GNG12: variants seen among roughly 807,000 people sequenced by gnomAD.
GNG12 encodes guanine nucleotide-binding protein G(I)/G(S)/G(O) subunit gamma-12.
For synonymous variants in GNG12, 28 were observed against 29.7 expected, an observed-to-expected ratio of 0.94 and a Z score of 0.19; for missense variants, 69 against 83.8, an observed-to-expected ratio of 0.82 and a Z score of 0.69.
chr1:67,759,645 T>C (rs149325808), intron 2 of GNG12, among the ~76,000 whole-genome samples: 93 of 152,324 alleles, frequency 6.1e-4, no homozygotes, highest in African/African-American at 2.2e-3. Context: ...ACCTTATACA[T>C]AGTAAGTGTG....
chr1:67,765,890 A>G (rs542342698), intron 2 of GNG12, among the ~76,000 whole-genome samples: 1 of 152,194 alleles, frequency 6.6e-6, no homozygotes, highest in Non-Finnish European at 1.5e-5. Context: ...CACAACCCCA[A>G]GGAGTGAAAG....
At position 67,769,003 on chromosome 1, in the gene GNG12, C is replaced by G. The variant is rs193036885; in HGVS notation, c.-27+8455G>C. Among the ~76,000 whole-genome samples, 3 of 152,252 alleles carry G rather than the reference C, an allele frequency of 2.0e-5. No homozygotes were observed. In the East Asian group the frequency reaches 5.8e-4, roughly 29 times the overall value. On this transcript the variant is annotated intron_variant, in intron 2 of 3. Transcript: ENST00000370982. Reference sequence around the variant, plus strand: ...GGGTCTGGGGGAGGAAAGGAGGGAGCTGTATCTTGCCATCTTTGTAAGCAG... The same window carrying G: ...GGGTCTGGGGGAGGAAAGGAGGGAGGTGTATCTTGCCATCTTTGTAAGCAG...
intron 1 of GNG12, among the ~76,000 whole-genome samples, chr1:67,793,270 T>C (rs1303596971): frequency 2.6e-5 from 4 of 152,272 alleles, no homozygotes. Flanking sequence ...AATTCTAACA[T>C]TAGTGATAAC....
intron 1 of GNG12, among the ~76,000 whole-genome samples, chr1:67,804,144 C>T (rs552159517): frequency 6.6e-6 from 1 of 152,262 alleles, no homozygotes. Flanking sequence ...CCCACTGGGG[C>T]CCTGCAGCTG....
At chr1:67,785,887 G>C (rs1646764973) in intron 1 of GNG12, among the ~76,000 whole-genome samples, 1 of 152,000 alleles carries the variant, frequency 6.6e-6, no homozygotes, top group Non-Finnish European at 1.5e-5. Flanking sequence ...GCTTTTATTT[G>C]CAAATTCAGA....
intron 2 of GNG12, among the ~76,000 whole-genome samples, chr1:67,747,118 C>CTT (rs1316914552): frequency 6.6e-6 from 1 of 152,046 alleles, no homozygotes; most frequent in Non-Finnish European, 1.5e-5. Flanking sequence ...CATAAAGAAT[C>CTT]TTTTTGTTTG....
chr1:67,708,018 G>A (rs904746592), intron 2 of GNG12, among the ~76,000 whole-genome samples: 7 of 152,288 alleles, frequency 4.6e-5, no homozygotes, highest in Admixed American at 3.3e-4. Context: ...AAACAAATAC[G>A]CAAACACTTG....
intron 2 of GNG12, among the ~76,000 whole-genome samples, chr1:67,761,083 C>G (rs1646600504): frequency 6.6e-6 from 1 of 152,176 alleles, no homozygotes; most frequent in Non-Finnish European, 1.5e-5. Flanking sequence ...TTTCTAAGAC[C>G]TCTTTCCAGA....
intron 2 of GNG12, among the ~76,000 whole-genome samples, chr1:67,757,959 T>C (rs1646579549): frequency 1.3e-5 from 2 of 152,112 alleles, no homozygotes; most frequent in South Asian, 2.1e-4. Context: ...AGGTTTTAGT[T>C]TGGCTTTGGG....
Position 67,725,233 on chromosome 1 carries a change from G to A in GNG12, c.-26-17521C>T, listed in dbSNP as rs3766257. Among the ~76,000 whole-genome samples the A allele has an allele frequency of 7.4e-4, 112 of 152,308 alleles. 1 individual carries two copies. The East Asian group carries it at 0.015, about 20-fold the overall frequency. ...AAAAGGAAAGGCCCAACACTGTGGT[G>A]CAGATACTCCTAACTTTGACATGCC... On this transcript the variant is annotated intron_variant, in intron 2 of 3. Transcript: ENST00000370982.
intron 3 of GNG12, among the ~76,000 whole-genome samples, chr1:67,706,410 C>T (rs1328909036): frequency 6.6e-6 from 1 of 152,144 alleles, no homozygotes; most frequent in Non-Finnish European, 1.5e-5. Context: ...GAGACGAAAC[C>T]AGCATGGGAA....
chr1:67,817,337 T>C (rs1646958643), intron 1 of GNG12, among the ~76,000 whole-genome samples: 1 of 152,168 alleles, frequency 6.6e-6, no homozygotes, highest in Non-Finnish European at 1.5e-5. Flanking sequence ...AAAACAACCT[T>C]GTGAAGTAGG....
At chr1:67,730,363 T>C (rs1646411866) in intron 2 of GNG12, among the ~76,000 whole-genome samples, 1 of 152,146 alleles carries the variant, frequency 6.6e-6, no homozygotes, top group South Asian at 2.1e-4. Flanking sequence ...TAGCTGGGCA[T>C]GGTGGTGCAC....
rs567430945 is a variant in GNG12, at chr1:67,733,491, T to C, written c.-26-25779A>G. Among the ~76,000 whole-genome samples the C allele has an allele frequency of 4.6e-5, 7 of 152,340 alleles. No homozygotes were observed. The East Asian group carries it at 5.8e-4, about 13-fold the overall frequency. On this transcript the variant is annotated intron_variant, in intron 2 of 3. Transcript: ENST00000370982. ...AAACAAATGGAATCATATTTGCATA[T>C]GGTTCTGCAATTGCATTTTTCACTC...
intron 1 of GNG12, among the ~76,000 whole-genome samples, chr1:67,793,225 T>TTGA (rs2100786093): frequency 6.6e-6 from 1 of 152,282 alleles, no homozygotes; most frequent in East Asian, 1.9e-4. Context: ...ATTTGAGAAA[T>TTGA]AAGTCAGACT....
chr1:67,809,454 A>G (rs1380390818), intron 1 of GNG12, among the ~76,000 whole-genome samples: 1 of 152,164 alleles, frequency 6.6e-6, no homozygotes, highest in African/African-American at 2.4e-5. Flanking sequence ...TAAAATGAAA[A>G]CCTTCTTCTC....
chr1:67,796,944 A>G (rs1254842820), intron 1 of GNG12, among the ~76,000 whole-genome samples: 3 of 152,204 alleles, frequency 2.0e-5, no homozygotes, highest in Non-Finnish European at 4.4e-5. Flanking sequence ...TGAGCCAGAC[A>G]GCAAGAGAGA....
chr1:67,733,223 T>A (rs573447336), intron 2 of GNG12, among the ~76,000 whole-genome samples: 1 of 152,340 alleles, frequency 6.6e-6, no homozygotes, highest in Non-Finnish European at 1.5e-5. Flanking sequence ...TAGCCCTATT[T>A]TTGGAGCTGG....
At chr1:67,796,949 G>T (rs180687202) in intron 1 of GNG12, among the ~76,000 whole-genome samples, 224 of 152,292 alleles carry the variant, frequency 1.5e-3, no homozygotes, top group African/African-American at 5.2e-3. Context: ...CAGACAGCAA[G>T]AGAGATGTCA....
Sources: gnomAD v4.1 joint callset for allele counts (sites outside exome capture counted in the v4.1 genomes callset) on GRCh38, gnomAD v4.1.1 for gene constraint, MANE v1.5 for transcripts, NCBI Gene and HGNC (gene_info 2026-07-23, HGNC 2026-07-21) for gene names.